The following FANCM variants were observed in gnomAD, a reference collection of about 807,000 sequenced individuals.
The protein encoded by FANCM is Fanconi anemia group M protein.
Under a neutral mutation model 199.5 loss-of-function variants are expected in FANCM, and 140 were observed. The ratio of observed to expected loss-of-function variants is 0.70; its 90% CI spans 0.61 to 0.81. The LOEUF (loss-of-function observed/expected upper bound fraction) is 0.81, where lower values mean the gene tolerates loss of function less well. Among genes scored for constraint, FANCM ranks in the 30% least tolerant of loss-of-function variants. FANCM has a pLI of 0.00. For synonymous variants in FANCM, 840 were observed against 836.8 expected (o/e 1.00, Z -0.07); for missense variants, 2,410 against 2,421.4 (o/e 1.00, Z 0.10).
Position 45,195,883 on chromosome 14 carries a change from A to G in FANCM, c.5341-289A>G, listed in dbSNP as rs1218966384. On this transcript the variant is annotated intron_variant, in intron 20 of 22. Coordinates refer to ENST00000267430, the MANE Select transcript of FANCM (RefSeq NM_020937.4). ...TTCGTTTGTTTTTTTTCTCTAGGCT[A>G]AAAATTATAATTTTCTTTTTTAACA... Among the ~76,000 whole-genome samples, 17 of 152,182 alleles carry G rather than the reference A, an allele frequency of 1.1e-4. No homozygotes were observed. The South Asian group carries it at 3.5e-3, about 32-fold the overall frequency.
At position 45,176,989 on chromosome 14, in the gene FANCM, C is replaced by G. The variant is rs1288545621; in HGVS notation, c.4222+13C>G. On this transcript the variant is annotated intron_variant, in intron 14 of 22. Coordinates refer to ENST00000267430, the MANE Select transcript of FANCM (RefSeq NM_020937.4). The stretch of plus-strand genomic sequence containing the variant: ...CATTCTGTTGAAGGTAAGATTCCAT[C>G]TTTATAAAGTCTATAACTCTTTCTA... 6.8e-7 allele frequency: 1 copy of G among 1,463,276 alleles called. No individual in the cohort carries two copies. The highest frequency in any genetic ancestry group is 9.6e-7 in the Non-Finnish European group (1 of 1,044,274). 90.6% of individuals were successfully genotyped at this position (1,463,276 alleles called of 1,614,324 possible). A position where few individuals can be genotyped will look rare whatever the true frequency, so the allele number is the denominator to read the frequency against.
chr14:45,182,885 A>T (rs150028642), intron 16 of FANCM, among the ~76,000 whole-genome samples: 4 of 152,214 alleles, frequency 2.6e-5, no homozygotes, highest in African/African-American at 7.2e-5. Flanking sequence ...GGTCAAAATC[A>T]TCTAACACAA....
intron 3 of FANCM, 123 bp downstream of exon 3, chr14:45,140,832 G>C: frequency 1.4e-6 from 1 of 722,668 alleles, no homozygotes. Flanking sequence ...CTTGAGGCCA[G>C]GAATTCCAGA....
Position 45,148,741 on chromosome 14 carries a change from C to T in FANCM, c.760-96C>T, listed in dbSNP as rs1326820581. The stretch of plus-strand genomic sequence containing the variant: ...TTAATGATATAAATTTCTGGTGCTT[C>T]TTTCAAAATTTTACTGCTATTTTAT... On this transcript the variant is annotated intron_variant, in intron 3 of 22. Transcript: ENST00000267430. The T allele has an allele frequency of 6.4e-6, 5 of 778,950 alleles. No homozygotes were observed. The African/African-American group carries it at 7.0e-5, about 11-fold the overall frequency. The allele number at this position is 778,950 out of a possible 1,614,324, so 48.3% of individuals were successfully genotyped here. A position where few individuals can be genotyped will look rare whatever the true frequency, so the allele number is the denominator to read the frequency against.
chr14:45,190,245 AAAT>A (rs373447987), intron 20 of FANCM, among the ~76,000 whole-genome samples: 278 of 152,348 alleles, frequency 1.8e-3, no homozygotes, highest in African/African-American at 6.5e-3. Context: ...GGGGTTAAAG[AAAT>A]AATAATAGGA....
chr14:45,173,005 T>G, intron 12 of FANCM, 50 bp from the exon 13 acceptor site: 1 of 1,400,324 alleles, frequency 7.1e-7, no homozygotes, highest in Non-Finnish European at 1.0e-6. Flanking sequence ...AATTAGTTTG[T>G]GAAATCTCAG....
chr14:45,157,969 G>A (rs934100868), intron 8 of FANCM, among the ~76,000 whole-genome samples: 1 of 152,042 alleles, frequency 6.6e-6, no homozygotes, highest in Admixed American at 6.6e-5. Context: ...GGCTGAGGTG[G>A]GCAGATCTCT....
At chr14:45,164,714 G>A (rs368494789) in intron 10 of FANCM, 149 bp downstream of exon 10, 9 of 655,904 alleles carry the variant, frequency 1.4e-5, no homozygotes, top group East Asian at 5.5e-5. Flanking sequence ...ATTCTCTCTT[G>A]TAACTAGGAG....
chr14:45,173,128 C>T lies in FANCM; in HGVS notation c.2234C>T (p.Pro745Leu), dbSNP rs371756587. The part of the protein sequence containing the change: ...EWRLWQDHPL[P>L]THQVDHSDRC... ...AGACTGTGGCAAGATCATCCTTTGC[C>T]TACACATCAAGTTGATCACTCAGAT... The change falls in exon 13 of 23, where the codon CCT (proline) becomes CTT (leucine). Residue 745 changes from proline to leucine, a missense_variant. Coordinates refer to ENST00000267430, the MANE Select transcript of FANCM (RefSeq NM_020937.4). The T allele has an allele frequency of 3.7e-6, 6 of 1,612,460 alleles. No homozygotes were observed. Among genetic ancestry groups the T allele is most frequent in the Non-Finnish European group, 5.1e-6 (6 of 1,178,612 alleles).
In FANCM at chr14:45,183,888, C is replaced by A. The variant is rs755947203; in HGVS notation, c.4501C>A (p.Gln1501Lys). ...ARRGIKVPKR[Q>K]SHLKHVARKF... is the part of the protein sequence containing the mutation. Reference sequence around the variant, plus strand: ...AAGAGGCATCAAAGTCCCAAAGAGACAGAGTCACTTAAAGGTAATCTTTTT... The same window carrying A: ...AAGAGGCATCAAAGTCCCAAAGAGAAAGAGTCACTTAAAGGTAATCTTTTT... The change falls in exon 17 of 23, where the codon CAG (glutamine) becomes AAG (lysine). Residue 1501 changes from glutamine (Q) to lysine (K), a missense_variant. Transcript: ENST00000267430. 1.2e-6 allele frequency: 2 copies of A among 1,610,020 alleles called. No individual in the cohort carries two copies. Among genetic ancestry groups the A allele is most frequent in the Non-Finnish European group, 1.7e-6 (2 of 1,176,758 alleles).
chr14:45,143,233 A>C (rs1418648658), intron 3 of FANCM, among the ~76,000 whole-genome samples: 1 of 151,294 alleles, frequency 6.6e-6, no homozygotes, highest in African/African-American at 2.4e-5. Context: ...GCAGTGCACA[A>C]TAATACTCAC....
chr14:45,199,623 A>G (rs1890253387), intron 22 of FANCM, among the ~76,000 whole-genome samples: 1 of 152,230 alleles, frequency 6.6e-6, no homozygotes, highest in Non-Finnish European at 1.5e-5. Flanking sequence ...GCTTCAACAT[A>G]TGAATTTTGG....
chr14:45,145,175 G>T (rs1431006807), intron 3 of FANCM, among the ~76,000 whole-genome samples: 1 of 151,610 alleles, frequency 6.6e-6, no homozygotes, highest in Non-Finnish European at 1.5e-5. Flanking sequence ...GCCCTGTCCT[G>T]TTGTGGCTGA....
intron 8 of FANCM, among the ~76,000 whole-genome samples, chr14:45,155,870 A>T (rs1887151102): frequency 7.0e-6 from 1 of 143,416 alleles, no homozygotes; most frequent in Non-Finnish European, 1.5e-5. Context: ...TTTCTTATGG[A>T]GAAGGTGGGC....
At chr14:45,150,180 A>G (rs565256827) in intron 4 of FANCM, among the ~76,000 whole-genome samples, 5 of 152,246 alleles carry the variant, frequency 3.3e-5, no homozygotes, top group Non-Finnish European at 7.3e-5. Context: ...TTTCTTAAAG[A>G]GACATTTTGT....
Position 45,136,010 on chromosome 14 carries a change from G to T in FANCM, c.-22G>T, listed in dbSNP as rs1396447019. 3.7e-6 allele frequency: 6 copies of T among 1,612,570 alleles called. No homozygotes were observed. In the East Asian group the frequency reaches 1.3e-4, roughly 36 times the overall value. ...CTGCTGCTACGGATATCTGACAGAA[G>T]CCTTCGGTGGTTGTCGGCCTAATGA... On this transcript the variant is annotated 5_prime_UTR_variant, in exon 1 of 23. Coordinates refer to ENST00000267430, the MANE Select transcript of FANCM (RefSeq NM_020937.4).
chr14:45,170,701 G>T lies in FANCM; in HGVS notation c.2115G>T (p.Leu705Phe). Reference sequence around the variant, plus strand: ...GTGATGAAATTAAAGAGATAACATTGCCTCAAGTTCAGTTTTCTTCTTTAC... The same window carrying T: ...GTGATGAAATTAAAGAGATAACATTTCCTCAAGTTCAGTTTTCTTCTTTAC... ...RDSDEIKEIT[L>F]PQVQFSSLQN... Residue 705 changes from leucine to phenylalanine, a missense_variant, in exon 12 of 23, where the codon TTG becomes TTT. Transcript: ENST00000267430. 6.2e-7 allele frequency: 1 copy of T among 1,610,958 alleles called. No individual in the cohort carries two copies. Among genetic ancestry groups the T allele is most frequent in the South Asian group, 1.1e-5 (1 of 91,008 alleles).
rs1405920461 is a variant in FANCM, at chr14:45,198,952, A to G, written c.6008+17A>G. The G allele has an allele frequency of 3.8e-6, 6 of 1,578,128 alleles. No homozygotes were observed. Among genetic ancestry groups the G allele is most frequent in the East Asian group, 2.2e-5 (1 of 44,676 alleles). On this transcript the variant is annotated intron_variant, in intron 22 of 22. Coordinates refer to ENST00000267430, the MANE Select transcript of FANCM (RefSeq NM_020937.4). The stretch of plus-strand genomic sequence containing the variant: ...GGCTAACAGGTATGTCTGTTGTAAT[A>G]TTTTTAAATGATTACTTTTAAAAGA...
intron 9 of FANCM, among the ~76,000 whole-genome samples, chr14:45,164,112 GT>G (rs1190949108): frequency 3.3e-5 from 5 of 152,072 alleles, no homozygotes; most frequent in Non-Finnish European, 5.9e-5. Flanking sequence ...TGCTGGGCTA[GT>G]TTTTTTATTT....
Sources: gnomAD v4.1 joint callset for allele counts (sites outside exome capture counted in the v4.1 genomes callset) on GRCh38, gnomAD v4.1.1 for gene constraint, MANE v1.5 for transcripts, NCBI Gene and HGNC (gene_info 2026-07-23, HGNC 2026-07-21) for gene names.